Variants in BMP3 observed in about 807,000 individuals in gnomAD.
BMP3 encodes bone morphogenetic protein 3, also known as bone morphogenetic protein 3 (osteogenic).
Under a neutral mutation model 38.1 loss-of-function variants are expected in BMP3, and 23 were observed. The observed-to-expected ratio is 0.60, with a 90% CI of 0.43 to 0.86. The LOEUF (loss-of-function observed/expected upper bound fraction) is 0.86, where lower values mean the gene tolerates loss of function less well. BMP3 is among the 40% of genes least tolerant of loss of function. BMP3 has a pLI of 0.00. For missense variants in BMP3, 628 were observed against 579.6 expected, an observed-to-expected ratio of 1.08 and a Z score of -0.86; for synonymous variants, 258 against 225.7, an observed-to-expected ratio of 1.14 and a Z score of -1.28.
In BMP3 at chr4:81,041,203, C is replaced by A. The variant is rs534845982; in HGVS notation, c.317-4535C>A. Among the ~76,000 whole-genome samples the A allele has an allele frequency of 2.0e-5, 3 of 152,254 alleles. No individual in the cohort carries two copies. The East Asian group carries it at 5.8e-4, about 29-fold the overall frequency. ...ATCATGCACTGCTATTTGCAGGAAG[C>A]CGTTTACCTCACTCTTATTTACTTC... On this transcript the variant is annotated intron_variant, in intron 1 of 2. Coordinates refer to ENST00000282701, the MANE Select transcript of BMP3 (RefSeq NM_001201.5).
rs772920730 is a variant in BMP3, at chr4:81,056,147, C to G, written c.*2611C>G. 1.3e-5 allele frequency: 2 copies of G among 152,056 alleles called. No homozygotes were observed. The highest frequency in any genetic ancestry group is 2.9e-5 in the Non-Finnish European group (2 of 68,026). 9.4% of individuals were successfully genotyped at this position (152,056 alleles called of 1,614,324 possible). On this transcript the variant is annotated 3_prime_UTR_variant, in exon 3 of 3. Coordinates refer to ENST00000282701, the MANE Select transcript of BMP3 (RefSeq NM_001201.5). ...TACTAGTTTCTGTATAATTCCTACA[C>G]AGAAGCTTTAGAAATCTCCTGATAT...
chr4:81,037,284 C>G (rs1186353567), intron 1 of BMP3: 2 of 158,628 alleles, frequency 1.3e-5, no homozygotes, highest in Non-Finnish European at 2.8e-5. Flanking sequence ...TCTTTAGTTG[C>G]ATGAAATTAA....
Position 81,055,897 on chromosome 4 carries a change from A to AT in BMP3, c.*2362dup, listed in dbSNP as rs1740543255. On this transcript the variant is annotated 3_prime_UTR_variant, in exon 3 of 3. Transcript: ENST00000282701. Reference sequence around the variant, plus strand: ...CTTGGGTAATCTCTTAGCAATGGAAATAGGTTTTAACCAGCAGTTTTTCTG... The same window carrying AT: ...CTTGGGTAATCTCTTAGCAATGGAAATTAGGTTTTAACCAGCAGTTTTTCTG... The AT allele has an allele frequency of 6.6e-6, 1 of 152,328 alleles. No homozygotes were observed. The highest frequency in any genetic ancestry group is 2.4e-5 in the African/African-American group (1 of 41,590). The allele number at this position is 152,328 out of a possible 1,614,324, so 9.4% of individuals were successfully genotyped here.
At position 81,030,741 on chromosome 4, in the gene BMP3, A is replaced by G. The variant is rs569203104; in HGVS notation, c.-544A>G. Among the ~76,000 whole-genome samples the G allele has an allele frequency of 1.1e-3, 162 of 151,284 alleles. No homozygotes were observed. Among genetic ancestry groups the G allele is most frequent in the African/African-American group, 3.5e-3 (146 of 41,362 alleles). ...CTCATACACACACACACACGCACAC[A>G]CGCGCGCGCGCGCGCGCACACACAC... On this transcript the variant is annotated 5_prime_UTR_variant, in exon 1 of 3. Transcript: ENST00000282701.
At position 81,054,862 on chromosome 4, in the gene BMP3, T is replaced by A. The variant is rs1740505714; in HGVS notation, c.*1326T>A. The A allele has an allele frequency of 6.6e-6, 1 of 152,194 alleles. No individual in the cohort carries two copies. The highest frequency in any genetic ancestry group is 2.1e-4 in the South Asian group (1 of 4,838). 9.4% of individuals were successfully genotyped at this position (152,194 alleles called of 1,614,324 possible). ...CTTTCAGGCCGTAGATCATTGTTGGTGTTAATCTGTGGTTAATCCTCATTT... is the reference window on the plus strand; with the variant it reads ...CTTTCAGGCCGTAGATCATTGTTGGAGTTAATCTGTGGTTAATCCTCATTT... On this transcript the variant is annotated 3_prime_UTR_variant, in exon 3 of 3. Transcript: ENST00000282701.
At position 81,045,781 on chromosome 4, in the gene BMP3, G is replaced by A. The variant is rs576044671; in HGVS notation, c.360G>A (p.Ser120=). ...RKGLYIFNLT[S]LTKSENILSA... ...GACTGTATATCTTCAATCTGACATC[G>A]CTAACCAAGTCTGAAAACATTTTGT... Residue 120 remains serine, a synonymous_variant, in exon 2 of 3, where the codon TCG becomes TCA. Transcript: ENST00000282701. 22 of 1,612,254 alleles carry A rather than the reference G, an allele frequency of 1.4e-5. No homozygotes were observed. The highest frequency in any genetic ancestry group is 2.2e-5 in the East Asian group (1 of 44,874).
At chr4:81,037,070 A>G (rs531112774) in intron 1 of BMP3, among the ~76,000 whole-genome samples, 1 of 152,044 alleles carries the variant, frequency 6.6e-6, no homozygotes, top group African/African-American at 2.4e-5. Context: ...TACCATGAAT[A>G]TGTGTGTGTG....
rs1232151002 is a variant in BMP3 at position 81,053,609 on chromosome 4, T to TC, written c.*73_*74insC. ...TTTATGGACTTCTTCCTGTTTTTTT[T>TC]TTTTTTTTTTTTGCACTGCCAATGC... On this transcript the variant is annotated 3_prime_UTR_variant, in exon 3 of 3. Transcript: ENST00000282701. 32 of 808,826 alleles carry TC rather than the reference T, an allele frequency of 4.0e-5. 1 individual carries two copies. In the Middle Eastern group the frequency reaches 1.3e-3, roughly 32 times the overall value. The allele number at this position is 808,826 out of a possible 1,614,324, so 50.1% of individuals were successfully genotyped here. A position where few individuals can be genotyped will look rare whatever the true frequency, so the allele number is the denominator to read the frequency against.
intron 1 of BMP3, among the ~76,000 whole-genome samples, chr4:81,032,194 CAAAAAAAAAAAAAAA>C (rs5859748): frequency 2.7e-5 from 2 of 74,036 alleles, no homozygotes; most frequent in African/African-American, 4.8e-5. Context: ...TCCTTAGTGG[CAAAAAAAAAAAAAAA>C]AAAAAAAAAA....
chr4:81,044,838 A>G (rs1285383766), intron 1 of BMP3, among the ~76,000 whole-genome samples: 1 of 152,176 alleles, frequency 6.6e-6, no homozygotes, highest in East Asian at 1.9e-4. Context: ...ATTTGATTGT[A>G]TGGGTATACC....
At chr4:81,045,613 C>A in intron 1 of BMP3, 125 bp from the exon 2 acceptor site, 1 of 800,008 alleles carries the variant, frequency 1.2e-6, no homozygotes, top group Non-Finnish European at 1.8e-6. Flanking sequence ...CCCTAGGTTT[C>A]TTTCCAAAAA....
chr4:81,044,532 A>T (rs1057081436), intron 1 of BMP3, among the ~76,000 whole-genome samples: 5 of 152,218 alleles, frequency 3.3e-5, no homozygotes, highest in Non-Finnish European at 7.3e-5. Context: ...GACAGTTAAT[A>T]CCCTCACAAT....
chr4:81,043,468 A>G (rs576724840), intron 1 of BMP3, among the ~76,000 whole-genome samples: 64 of 152,238 alleles, frequency 4.2e-4, no homozygotes, highest in African/African-American at 1.3e-3. Context: ...CAAGCTCCAC[A>G]ACAGCATTCT....
At chr4:81,034,656 T>C (rs1739872666) in intron 1 of BMP3, among the ~76,000 whole-genome samples, 1 of 152,184 alleles carries the variant, frequency 6.6e-6, no homozygotes, top group African/African-American at 2.4e-5. Context: ...AGTGAGTACT[T>C]ATCACCTTTT....
rs187942678 is a variant in BMP3, at chr4:81,034,362, A to T, written c.316+2762A>T. Among the ~76,000 whole-genome samples the T allele has an allele frequency of 4.6e-5, 7 of 152,304 alleles. No individual in the cohort carries two copies. The East Asian group carries it at 1.4e-3, about 29-fold the overall frequency. ...AAGGTCAGCTTCATAAAAATACACC[A>T]TGTGAAGGAAGACAGAAGGATATGA... On this transcript the variant is annotated intron_variant, in intron 1 of 2. Transcript: ENST00000282701.
rs554068371 is a variant in BMP3, at chr4:81,056,291, G to A, written c.*2755G>A. ...ACAAGTAATCTCTCTACCCCATGCA[G>A]TGTGCACACACACACACACACAGTC... On this transcript the variant is annotated 3_prime_UTR_variant, in exon 3 of 3. Coordinates refer to ENST00000282701, the MANE Select transcript of BMP3 (RefSeq NM_001201.5). The A allele has an allele frequency of 1.2e-4, 18 of 146,384 alleles. No homozygotes were observed. Among genetic ancestry groups the A allele is most frequent in the African/African-American group, 4.7e-4 (18 of 38,636 alleles). 9.1% of individuals were successfully genotyped at this position (146,384 alleles called of 1,614,324 possible). A position where few individuals can be genotyped will look rare whatever the true frequency, so the allele number is the denominator to read the frequency against.
At chr4:81,039,259 C>T (rs773244076) in intron 1 of BMP3, among the ~76,000 whole-genome samples, 3 of 152,124 alleles carry the variant, frequency 2.0e-5, no homozygotes, top group East Asian at 1.9e-4. Flanking sequence ...GTTGGGGCAG[C>T]GGGAGGTGGT....
At chr4:81,036,727 A>G (rs1038514644) in intron 1 of BMP3, among the ~76,000 whole-genome samples, 1 of 152,046 alleles carries the variant, frequency 6.6e-6, no homozygotes, top group East Asian at 1.9e-4. Flanking sequence ...TACTTTTGAC[A>G]GTAGTGAAAG....
rs537929453 is a variant in BMP3 at position 81,056,110 on chromosome 4, C to G, written c.*2574C>G. The stretch of plus-strand genomic sequence containing the variant: ...GAAAATTTAGTAAGTGCCTGTTTTA[C>G]AAATTGTTAGGTACTAGTTTCTGTA... On this transcript the variant is annotated 3_prime_UTR_variant, in exon 3 of 3. Coordinates refer to ENST00000282701, the MANE Select transcript of BMP3 (RefSeq NM_001201.5). 55 of 152,204 alleles carry G rather than the reference C, an allele frequency of 3.6e-4. No individual in the cohort carries two copies. Among genetic ancestry groups the G allele is most frequent in the African/African-American group, 1.3e-3 (53 of 41,534 alleles). The allele number at this position is 152,204 out of a possible 1,614,324, so 9.4% of individuals were successfully genotyped here.
Sources: allele counts gnomAD v4.1 joint callset (sites outside exome capture counted in the v4.1 genomes callset), GRCh38; gene constraint gnomAD v4.1.1; transcripts MANE v1.5; gene names NCBI Gene and HGNC (gene_info 2026-07-23, HGNC 2026-07-21).